CLDN10: variants seen among roughly 807,000 people sequenced by gnomAD.
CLDN10 encodes the protein claudin-10.
CLDN10 carries 15 observed loss-of-function variants against 22.9 expected under a neutral mutation model. That is an observed-to-expected ratio of 0.65 (90% confidence interval 0.44 to 1.01). The LOEUF (loss-of-function observed/expected upper bound fraction) is 1.01, where lower values mean the gene tolerates loss of function less well. Ranked by LOEUF, CLDN10 falls within the 50% of genes least tolerant of loss-of-function variation. CLDN10 has a pLI of 0.00. For synonymous variants in CLDN10, 114 were observed against 111.4 expected, an observed-to-expected ratio of 1.02 and a Z score of -0.15; for missense variants, 247 against 287.8, an observed-to-expected ratio of 0.86 and a Z score of 1.03.
intron 1 of CLDN10, among the ~76,000 whole-genome samples, chr13:95,512,942 C>A (rs1004968210): frequency 9.9e-5 from 15 of 152,174 alleles, no homozygotes; most frequent in African/African-American, 3.1e-4. Context: ...GTGGCACAAT[C>A]TTGACTCACT....
chr13:95,553,818 A>G (rs1177023017), intron 1 of CLDN10, among the ~76,000 whole-genome samples: 2 of 151,784 alleles, frequency 1.3e-5, no homozygotes, highest in African/African-American at 4.8e-5. Flanking sequence ...TTCACACAGA[A>G]CTCTGGCTCT....
At position 95,439,275 on chromosome 13, in the gene CLDN10, G is replaced by A. The variant is rs900731220; in HGVS notation, c.214+5228G>A. Among the ~76,000 whole-genome samples the A allele has an allele frequency of 3.9e-5, 6 of 152,078 alleles. No homozygotes were observed. In the South Asian group the frequency reaches 6.2e-4, roughly 16 times the overall value. On this transcript the variant is annotated intron_variant, in intron 1 of 4. Transcript: ENST00000376873. ...CAGTGCGTGGTGAGGGCCCATAGACGGCACCTTCTCACTGCATCCTCACAT... is the reference window on the plus strand; with the variant it reads ...CAGTGCGTGGTGAGGGCCCATAGACAGCACCTTCTCACTGCATCCTCACAT...
chr13:95,439,204 A>G (rs937918165), intron 1 of CLDN10, among the ~76,000 whole-genome samples: 8 of 152,206 alleles, frequency 5.3e-5, no homozygotes, highest in South Asian at 2.1e-4. Flanking sequence ...CTTATTTCTC[A>G]TAGTTCTGGA....
At chr13:95,563,095 ACTCTCT>A (rs34473629) in intron 3 of CLDN10, among the ~76,000 whole-genome samples, 1,284 of 128,074 alleles carry the variant, frequency 0.01, 14 homozygotes, top group South Asian at 0.029. Flanking sequence ...CTGCCTACCC[ACTCTCT>A]CTCTCTCTCT....
chr13:95,507,023 T>A (rs1479728372), intron 1 of CLDN10, among the ~76,000 whole-genome samples: 1 of 152,208 alleles, frequency 6.6e-6, no homozygotes, highest in Non-Finnish European at 1.5e-5. Flanking sequence ...TCCTGTCACA[T>A]GGACTTACAA....
At position 95,463,859 on chromosome 13, in the gene CLDN10, T is replaced by A. The variant is rs570341026; in HGVS notation, c.214+29812T>A. ...TTTTTGGACAACTCAGCTAGGGCTA[T>A]CATTTCTTTGTGCCATTTATGGGTT... On this transcript the variant is annotated intron_variant, in intron 1 of 4. Transcript: ENST00000376873. 3.3e-5 allele frequency among the ~76,000 whole-genome samples: 5 copies of A among 152,224 alleles called. 1 individual carries two copies. Among genetic ancestry groups the A allele is most frequent in the African/African-American group, 1.2e-4 (5 of 41,538 alleles).
At chr13:95,490,431 C>T (rs758935426) in intron 1 of CLDN10, among the ~76,000 whole-genome samples, 35 of 152,248 alleles carry the variant, frequency 2.3e-4, no homozygotes, top group Admixed American at 1.6e-3. Context: ...AGAGGCCTTT[C>T]GACTCTGTAT....
chr13:95,501,346 C>T (rs1206970953), intron 1 of CLDN10, among the ~76,000 whole-genome samples: 1 of 152,112 alleles, frequency 6.6e-6, no homozygotes, highest in Non-Finnish European at 1.5e-5. Flanking sequence ...AGAGATCTCA[C>T]TCTGTCTCTC....
chr13:95,482,187 C>A (rs1455951435), intron 1 of CLDN10, among the ~76,000 whole-genome samples: 2 of 152,134 alleles, frequency 1.3e-5, no homozygotes, highest in Admixed American at 1.3e-4. Flanking sequence ...GTCCCATGTA[C>A]CCCATAAATA....
At chr13:95,535,196 T>G (rs1307101887) in intron 1 of CLDN10, among the ~76,000 whole-genome samples, 2 of 152,048 alleles carry the variant, frequency 1.3e-5, no homozygotes, top group Non-Finnish European at 2.9e-5. Flanking sequence ...GATACACAGA[T>G]TTCATTCTGC....
intron 3 of CLDN10, among the ~76,000 whole-genome samples, chr13:95,565,337 G>T (rs2043771625): frequency 6.6e-6 from 1 of 152,148 alleles, no homozygotes; most frequent in Non-Finnish European, 1.5e-5. Flanking sequence ...TTCAAATCAT[G>T]CAAAGTTATA....
In CLDN10 at chr13:95,528,975, A is replaced by G. The variant is rs2077924; in HGVS notation, c.215-31157A>G. On this transcript the variant is annotated intron_variant, in intron 1 of 4. Coordinates refer to the CLDN10 transcript ENST00000376873. The stretch of plus-strand genomic sequence containing the variant: ...GAAAAGGTGCCAAGACACATAACTG[A>G]GTGATGGCCAATCAAGGGTGTTTTG... Among the ~76,000 whole-genome samples, 868 of 152,294 alleles carry G rather than the reference A, an allele frequency of 5.7e-3. 9 individuals carry two copies. Among genetic ancestry groups the G allele is most frequent in the African/African-American group, 0.02 (837 of 41,556 alleles).
chr13:95,563,287 TATTA>T (rs1019848326), intron 3 of CLDN10, among the ~76,000 whole-genome samples: 3 of 152,160 alleles, frequency 2.0e-5, no homozygotes, highest in African/African-American at 7.2e-5. Flanking sequence ...TATTGTGTTA[TATTA>T]ATTATTATTA....
chr13:95,460,915 T>C (rs2042530467), intron 1 of CLDN10, among the ~76,000 whole-genome samples: 1 of 151,966 alleles, frequency 6.6e-6, no homozygotes, highest in Non-Finnish European at 1.5e-5. Context: ...TCAAAACCAG[T>C]CTGGCCAACA....
intron 3 of CLDN10, among the ~76,000 whole-genome samples, chr13:95,575,066 G>T (rs1011011301): frequency 2.0e-5 from 3 of 152,034 alleles, no homozygotes; most frequent in African/African-American, 7.2e-5. Flanking sequence ...ATCAACCATG[G>T]TATCTGGCAC....
intron 3 of CLDN10, among the ~76,000 whole-genome samples, chr13:95,576,530 C>G (rs900104506): frequency 6.6e-6 from 1 of 152,180 alleles, no homozygotes; most frequent in Admixed American, 6.5e-5. Flanking sequence ...GAATATATCT[C>G]CCCTGAAAGG....
At chr13:95,473,435 C>T (rs541094913) in intron 1 of CLDN10, among the ~76,000 whole-genome samples, 7 of 152,304 alleles carry the variant, frequency 4.6e-5, no homozygotes, top group East Asian at 3.9e-4. Flanking sequence ...GGAAGAGATG[C>T]GCCTCGGGTG....
intron 1 of CLDN10, among the ~76,000 whole-genome samples, chr13:95,522,203 T>C (rs9556484): frequency 0.39 from 59,307 of 151,832 alleles, 11,835 homozygotes; most frequent in African/African-American, 0.45. Flanking sequence ...TTTCTGTTTA[T>C]TTGAGATCAT....
chr13:95,460,836 C>T (rs1041974356), intron 1 of CLDN10, among the ~76,000 whole-genome samples: 3 of 152,072 alleles, frequency 2.0e-5, no homozygotes, highest in Non-Finnish European at 4.4e-5. Context: ...TAGCTGGGTG[C>T]GGTGGCTCAC....
Sources: allele counts gnomAD v4.1 joint callset (sites outside exome capture counted in the v4.1 genomes callset), GRCh38; gene constraint gnomAD v4.1.1; transcripts MANE v1.5; gene names NCBI Gene and HGNC (gene_info 2026-07-23, HGNC 2026-07-21).